Variants in ZDHHC11 observed in about 807,000 individuals in gnomAD.
ZDHHC11 encodes palmitoyltransferase ZDHHC11.
In ZDHHC11, 44 loss-of-function variants were observed where a neutral mutation model predicts 51.3. The observed-to-expected ratio is 0.86, with a 90% CI of 0.67 to 1.10. The LOEUF (loss-of-function observed/expected upper bound fraction) is 1.10. ZDHHC11 is among the 50% of genes least tolerant of loss of function. The pLI is 0.00. For synonymous variants in ZDHHC11, 163 were observed against 222.0 expected, an observed-to-expected ratio of 0.73 and a Z score of 2.36; for missense variants, 400 against 537.7, an observed-to-expected ratio of 0.74 and a Z score of 2.53.
In ZDHHC11 at chr5:828,193, C is replaced by T. The variant is rs1742556701; in HGVS notation, c.936-2942G>A. ...CTCAATCTTTTCCCCACCTTTCCCC[C>T]TTTTCTATTCCACAAAACCGCCATT... On this transcript the variant is annotated intron_variant, in intron 7 of 12. Coordinates refer to ENST00000283441, the MANE Select transcript of ZDHHC11 (RefSeq NM_024786.3). Among the ~76,000 whole-genome samples, 2 of 151,456 alleles carry T rather than the reference C, an allele frequency of 1.3e-5. 1 individual carries two copies. Among genetic ancestry groups the T allele is most frequent in the Non-Finnish European group, 3.0e-5 (2 of 67,770 alleles).
chr5:828,600 A>G (rs938011157), intron 7 of ZDHHC11, among the ~76,000 whole-genome samples: 2 of 151,494 alleles, frequency 1.3e-5, no homozygotes, highest in African/African-American at 4.9e-5. Context: ...TCATCAAGAC[A>G]GAAAGGCAAC....
At chr5:824,265 C>T (rs1741973835) in intron 8 of ZDHHC11, among the ~76,000 whole-genome samples, 1 of 150,968 alleles carries the variant, frequency 6.6e-6, no homozygotes, top group South Asian at 2.1e-4. Context: ...TCCAAACAAG[C>T]CTGGACAATA....
intron 11 of ZDHHC11, among the ~76,000 whole-genome samples, chr5:802,286 A>G (rs1181116236): frequency 6.6e-6 from 1 of 151,384 alleles, no homozygotes; most frequent in Non-Finnish European, 1.5e-5. Flanking sequence ...AAGTGCTAGG[A>G]AAAAATGCAC....
chr5:802,537 A>G (rs185274351), intron 11 of ZDHHC11, among the ~76,000 whole-genome samples: 2 of 150,870 alleles, frequency 1.3e-5, no homozygotes, highest in East Asian at 3.9e-4. Context: ...GAGGAAGTTT[A>G]CCTAAAGACA....
intron 6 of ZDHHC11, among the ~76,000 whole-genome samples, chr5:836,877 T>C (rs372174463): frequency 2.8e-4 from 42 of 149,462 alleles, no homozygotes; most frequent in African/African-American, 8.7e-4. Context: ...CCTGGCGTGT[T>C]AAAACCACAT....
intron 1 of ZDHHC11, among the ~76,000 whole-genome samples, chr5:849,958 G>A (rs369613260): frequency 1.4e-3 from 217 of 152,186 alleles, no homozygotes; most frequent in Non-Finnish European, 2.5e-3. Context: ...AGAGGCCCTC[G>A]CAGTGTGGCC....
intron 9 of ZDHHC11, among the ~76,000 whole-genome samples, chr5:820,248 A>C (rs1741394961): frequency 8.7e-6 from 1 of 114,888 alleles, no homozygotes; most frequent in Admixed American, 8.7e-5. Flanking sequence ...AGTGATATTC[A>C]AGTGCTTCGG....
chr5:803,020 CAA>C (rs70957307), intron 11 of ZDHHC11, among the ~76,000 whole-genome samples: 3 of 138,720 alleles, frequency 2.2e-5, no homozygotes, highest in African/African-American at 2.6e-5. Context: ...GACTCTATCT[CAA>C]AAAAAAAAAA....
At chr5:840,357 T>G (rs762810637) in intron 5 of ZDHHC11, 138 bp downstream of exon 5, 1 of 1,154,472 alleles carries the variant, frequency 8.7e-7, no homozygotes, top group Non-Finnish European at 1.3e-6. Flanking sequence ...CCTGAACACA[T>G]GCGCACACGG....
intron 11 of ZDHHC11, among the ~76,000 whole-genome samples, chr5:810,705 A>G (rs528731450): frequency 5.3e-5 from 8 of 151,424 alleles, no homozygotes; most frequent in Admixed American, 1.3e-4. Flanking sequence ...TTCTGTGACA[A>G]AAAAAGGGTT....
In ZDHHC11 at chr5:814,479, T is replaced by C. The variant is rs1376890346; in HGVS notation, c.1181+282A>G. ...TAGAAACATTAAAAAACATTCAGGC[T>C]GACAACATTACACGTGTTTAAAGAA... On this transcript the variant is annotated intron_variant, in intron 11 of 12. Coordinates refer to ENST00000283441, the MANE Select transcript of ZDHHC11 (RefSeq NM_024786.3). Among the ~76,000 whole-genome samples, 4 of 151,408 alleles carry C rather than the reference T, an allele frequency of 2.6e-5. 1 individual carries two copies. Among genetic ancestry groups the C allele is most frequent in the Non-Finnish European group, 4.4e-5 (3 of 67,710 alleles).
chr5:831,301 C>T lies in ZDHHC11; in HGVS notation c.935+2472G>A, dbSNP rs1369744757. ...AATCCGCAAGAAAAAACAAATCATCCAATTGGGTGTGGTGGCTCATGTCTG... is the reference window on the plus strand; with the variant it reads ...AATCCGCAAGAAAAAACAAATCATCTAATTGGGTGTGGTGGCTCATGTCTG... On this transcript the variant is annotated intron_variant, in intron 7 of 12. Coordinates refer to ENST00000283441, the MANE Select transcript of ZDHHC11 (RefSeq NM_024786.3). Among the ~76,000 whole-genome samples, 47 of 149,126 alleles carry T rather than the reference C, an allele frequency of 3.2e-4. 3 individuals are homozygous for T. The highest frequency in any genetic ancestry group is 1.2e-3 in the African/African-American group (47 of 40,702).
At chr5:835,406 A>G (rs897301025) in intron 6 of ZDHHC11, among the ~76,000 whole-genome samples, 3 of 151,628 alleles carry the variant, frequency 2.0e-5, no homozygotes, top group East Asian at 1.9e-4. Flanking sequence ...CCATTTCTCT[A>G]TATCTGTCTC....
At position 841,081 on chromosome 5, in the gene ZDHHC11, A is replaced by G. The variant is rs565150893; in HGVS notation, c.629-431T>C. On this transcript the variant is annotated intron_variant, in intron 4 of 12. Coordinates refer to ENST00000283441, the MANE Select transcript of ZDHHC11 (RefSeq NM_024786.3). ...CTTCCTCACTAAGTGCCGGGGTCAC[A>G]GTGCCCACCCCTTCCTCACTAAGTG... The G allele has an allele frequency of 2.4e-3, 2,254 of 953,772 alleles. 44 individuals are homozygous for G. The highest frequency in any genetic ancestry group is 2.5e-3 in the Non-Finnish European group (2,103 of 826,294). 59.1% of individuals were successfully genotyped at this position (953,772 alleles called of 1,614,324 possible).
chr5:814,880 C>G, intron 10 of ZDHHC11, 85 bp from the exon 11 acceptor site: 1 of 1,325,614 alleles, frequency 7.5e-7, no homozygotes, highest in Non-Finnish European at 1.0e-6. Context: ...AAGTTCATTA[C>G]TAGTCAGTTC....
intron 3 of ZDHHC11, among the ~76,000 whole-genome samples, chr5:847,110 T>C (rs1284567327): frequency 4.6e-5 from 7 of 151,674 alleles, no homozygotes; most frequent in African/African-American, 1.7e-4. Flanking sequence ...GCCTCGACCA[T>C]GCTCAGGGGA....
At chr5:852,143 C>A (rs979393897), upstream of ZDHHC11, among the ~76,000 whole-genome samples, 4 of 151,802 alleles carry the variant, frequency 2.6e-5, no homozygotes, top group Non-Finnish European at 5.9e-5. Flanking sequence ...ATTAAAAACA[C>A]AATTCCCAGT....
At position 814,812 on chromosome 5, in the gene ZDHHC11, T is replaced by A. The variant is rs200404099; in HGVS notation, c.1147-17A>T. The stretch of plus-strand genomic sequence containing the variant: ...ATCTGCTTCCTGTGGGGGGAAGGGA[T>A]GCAAAATTCATAGGATGAACAAAGA... On this transcript the variant is annotated splice_polypyrimidine_tract_variant and intron_variant, in intron 10 of 12. Coordinates refer to ENST00000283441, the MANE Select transcript of ZDHHC11 (RefSeq NM_024786.3). 7.8e-4 allele frequency: 1,190 copies of A among 1,533,858 alleles called. 59 individuals carry two copies. Among genetic ancestry groups the A allele is most frequent in the Non-Finnish European group, 9.8e-4 (1,113 of 1,141,274 alleles).
At chr5:838,841 T>C (rs1247921485) in intron 5 of ZDHHC11, among the ~76,000 whole-genome samples, 1 of 132,026 alleles carries the variant, frequency 7.6e-6, no homozygotes. Context: ...CACAAGGGCC[T>C]GCAGCACCCC....
Sources: gnomAD v4.1 joint callset for allele counts (sites outside exome capture counted in the v4.1 genomes callset) on GRCh38, gnomAD v4.1.1 for gene constraint, MANE v1.5 for transcripts, NCBI Gene and HGNC (gene_info 2026-07-23, HGNC 2026-07-21) for gene names.